DMKN: variants seen among roughly 807,000 people sequenced by gnomAD.
DMKN encodes epidermis-specific secreted protein SK30/SK89.
DMKN carries 58 observed loss-of-function variants against 67.6 expected under a neutral mutation model. The observed-to-expected ratio is 0.86, with a 90% CI of 0.69 to 1.07. The LOEUF is 1.07. Among genes scored for constraint, DMKN ranks in the 50% least tolerant of loss-of-function variants. The pLI is 0.00. For missense variants in DMKN, 596 were observed against 601.5 expected, an observed-to-expected ratio of 0.99 and a Z score of 0.10; for synonymous variants, 240 against 232.3, an observed-to-expected ratio of 1.03 and a Z score of -0.30.
chr19:35,513,559 C>T lies in DMKN; in HGVS notation c.-84G>A, dbSNP rs1356532775. 14 of 1,450,048 alleles carry T rather than the reference C, an allele frequency of 9.7e-6. No homozygotes were observed. The East Asian group carries it at 2.8e-4, about 29-fold the overall frequency. 89.8% of individuals were successfully genotyped at this position (1,450,048 alleles called of 1,614,324 possible). A position where few individuals can be genotyped will look rare whatever the true frequency, so the allele number is the denominator to read the frequency against. ...CCGCCCTTGCTCTGCGTCTCTGTGCCCTCCTCTGTCCTCCTCCTTCCGACT... is the reference window on the plus strand; with the variant it reads ...CCGCCCTTGCTCTGCGTCTCTGTGCTCTCCTCTGTCCTCCTCCTTCCGACT... On this transcript the variant is annotated 5_prime_UTR_variant, in exon 1 of 16. Coordinates refer to ENST00000339686, the MANE Select transcript of DMKN (RefSeq NM_033317.5).
chr19:35,512,853 G>A, intron 1 of DMKN, 63 bp from the exon 2 acceptor site: 1 of 1,566,916 alleles, frequency 6.4e-7, no homozygotes, highest in Admixed American at 1.8e-5. Context: ...GAAGAGCCAG[G>A]GCAAATCATA....
chr19:35,502,781 G>C, intron 10 of DMKN, 49 bp downstream of exon 10: 1 of 1,604,906 alleles, frequency 6.2e-7, no homozygotes, highest in Non-Finnish European at 8.5e-7. Flanking sequence ...CTTGGGGAGA[G>C]TCAGGAGGGC....
At chr19:35,507,994 C>G in intron 7 of DMKN, 1 of 593,722 alleles carries the variant, frequency 1.7e-6, no homozygotes, top group Non-Finnish European at 2.9e-6. Context: ...GGCTGGTCCC[C>G]TCTTAAGGGA....
Position 35,513,180 on chromosome 19 carries a change from ACCCTGTTGC to A in DMKN, c.287_295del (p.Gly96_Arg98del), listed in dbSNP as rs768957480. ...TCCCAGAGCATGGGCTGCTTCCCCG[ACCCTGTTGC>A]CCAAAGCATCTGCTACGCCAAAGCC... On this transcript the variant is annotated inframe_deletion, in exon 1 of 16. Coordinates refer to ENST00000339686, the MANE Select transcript of DMKN (RefSeq NM_033317.5). 18 of 1,613,890 alleles carry A rather than the reference ACCCTGTTGC, an allele frequency of 1.1e-5. No homozygotes were observed. The highest frequency in any genetic ancestry group is 1.0e-5 in the Non-Finnish European group (12 of 1,179,994).
chr19:35,509,996 TC>T (rs1252109226), intron 6 of DMKN, 35 bp from the exon 7 acceptor site: 2 of 1,613,288 alleles, frequency 1.2e-6, no homozygotes, highest in South Asian at 2.2e-5. Flanking sequence ...TTTCCCTCAG[TC>T]CCCTCCCAGA....
chr19:35,498,520 TA>T (rs1387215802), intron 15 of DMKN, 195 bp downstream of exon 15: 1 of 725,376 alleles, frequency 1.4e-6, no homozygotes, highest in Admixed American at 2.9e-5. Flanking sequence ...TAGATCACTT[TA>T]TTATGGGTCT....
intron 7 of DMKN, chr19:35,507,727 G>A: frequency 1.8e-6 from 1 of 552,898 alleles, no homozygotes; most frequent in Non-Finnish European, 3.3e-6. Flanking sequence ...GGGTCGGGTG[G>A]CTGCTCACTT....
chr19:35,506,242 C>T, intron 7 of DMKN: 1 of 1,450,516 alleles, frequency 6.9e-7, no homozygotes, highest in African/African-American at 1.4e-5. Context: ...TCATGCCTGC[C>T]ACCTGTCAAC....
At chr19:35,499,854 C>T in intron 13 of DMKN, 104 bp downstream of exon 13, 1 of 1,250,196 alleles carries the variant, frequency 8.0e-7, no homozygotes, top group Non-Finnish European at 1.1e-6. Flanking sequence ...AGAGCGGGAT[C>T]CGGCCTCCGG....
At chr19:35,511,275 C>T in intron 5 of DMKN, 136 bp downstream of exon 5, 1 of 1,487,574 alleles carries the variant, frequency 6.7e-7, no homozygotes, top group Non-Finnish European at 9.1e-7. Context: ...GCTGAGGGAG[C>T]CTCAGGGTGA....
At chr19:35,513,017 C>G in intron 1 of DMKN, 33 bp downstream of exon 1, 1 of 1,608,766 alleles carries the variant, frequency 6.2e-7, no homozygotes, top group Non-Finnish European at 8.5e-7. Context: ...CCCACAGCCT[C>G]CCATTTCCAC....
At chr19:35,503,728 G>A (rs948505541) in intron 9 of DMKN, among the ~76,000 whole-genome samples, 58 of 152,060 alleles carry the variant, frequency 3.8e-4, no homozygotes, top group Admixed American at 1.4e-3. Flanking sequence ...TGCCAGCCTC[G>A]GCCTCCCAAA....
rs2071125620 is a variant in DMKN, at chr19:35,513,510, C to T, written c.-35G>A. The stretch of plus-strand genomic sequence containing the variant: ...GCCCCCTCTCTCTCCAGAGTGTCTT[C>T]CTCCCACCAGGGTCTCCTCCTTGCC... On this transcript the variant is annotated 5_prime_UTR_variant, in exon 1 of 16. Transcript: ENST00000339686. 7 of 1,570,100 alleles carry T rather than the reference C, an allele frequency of 4.5e-6. No homozygotes were observed. Among genetic ancestry groups the T allele is most frequent in the Non-Finnish European group, 1.7e-6 (2 of 1,167,392 alleles).
intron 7 of DMKN, chr19:35,507,242 C>T (rs2146088644): frequency 2.1e-6 from 1 of 484,562 alleles, no homozygotes; most frequent in Non-Finnish European, 3.7e-6. Context: ...ACAAAAGTAA[C>T]ATGGCTCCGA....
In DMKN at chr19:35,512,676, C is replaced by T. The variant is rs756236671; in HGVS notation, c.541G>A (p.Ala181Thr). 2 of 1,614,248 alleles carry T rather than the reference C, an allele frequency of 1.2e-6. No individual in the cohort carries two copies. Among genetic ancestry groups the T allele is most frequent in the East Asian group, 2.2e-5 (1 of 44,886 alleles). ...PWVHGYPGNS[A>T]GSFGMNPQGA... ...TGAGGATTCATTCCAAAGCTGCCTG[C>T]TGAGTTTCCGGGGTATCCGTGGACC... is the stretch of plus-strand genomic sequence containing the variant. Residue 181 changes from alanine (A) to threonine (T), a missense_variant, in exon 2 of 16, where the codon GCA (alanine) becomes ACA (threonine). Ala to Thr is a moderately conservative substitution (Grantham distance 58, BLOSUM62 0). Transcript: ENST00000339686.
In DMKN at chr19:35,512,407, C is replaced by T. The variant is rs1007723859; in HGVS notation, c.684+14G>A. The T allele has an allele frequency of 6.2e-6, 10 of 1,613,716 alleles. No individual in the cohort carries two copies. The highest frequency in any genetic ancestry group is 8.5e-6 in the Non-Finnish European group (10 of 1,179,768). On this transcript the variant is annotated intron_variant, in intron 3 of 15. Transcript: ENST00000339686. Reference sequence around the variant, plus strand: ...CAGTGGCTTCTTCATTTGTTCCCAGCCCCTTCCTCTTACCCCTTCATTCTG... The same window carrying T: ...CAGTGGCTTCTTCATTTGTTCCCAGTCCCTTCCTCTTACCCCTTCATTCTG...
Position 35,505,819 on chromosome 19 carries a change from C to T in DMKN, c.1087-54G>A, listed in dbSNP as rs2293701. 0.035 allele frequency: 56,776 copies of T among 1,613,758 alleles called. 1,421 individuals carry two copies. Among genetic ancestry groups the T allele is most frequent in the East Asian group, 0.14 (6,361 of 44,872 alleles). ...CAAATTGAGTCATAAGGTAATTGGC[C>T]GAGAGAGGTCAAGGGCCACTGCTGA... On this transcript the variant is annotated intron_variant, in intron 8 of 15. Coordinates refer to ENST00000339686, the MANE Select transcript of DMKN (RefSeq NM_033317.5).
intron 3 of DMKN, 62 bp from the exon 4 acceptor site, chr19:35,511,875 A>G: frequency 6.5e-7 from 1 of 1,542,082 alleles, no homozygotes; most frequent in Non-Finnish European, 8.8e-7. Flanking sequence ...GGCCTCGGCC[A>G]TGGACACAGG....
At chr19:35,503,282 A>G (rs2068744393) in intron 9 of DMKN, 1 of 1,497,412 alleles carries the variant, frequency 6.7e-7, no homozygotes, top group Non-Finnish European at 8.9e-7. Flanking sequence ...CGGAGACGTA[A>G]GAAAGGAGCA....
Sources: allele counts gnomAD v4.1 joint callset (sites outside exome capture counted in the v4.1 genomes callset), GRCh38; gene constraint gnomAD v4.1.1; transcripts MANE v1.5; gene names NCBI Gene and HGNC (gene_info 2026-07-23, HGNC 2026-07-21).